DNAH7: variants seen among roughly 807,000 people sequenced by gnomAD.
DNAH7 encodes the protein dynein axonemal heavy chain 7, also known as axonemal beta dynein heavy chain 7.
DNAH7 carries 397 observed loss-of-function variants against 444.6 expected under a neutral mutation model. The ratio of observed to expected loss-of-function variants is 0.89; its 90% CI spans 0.82 to 0.97. The LOEUF is 0.97. Among genes scored for constraint, DNAH7 ranks in the 50% least tolerant of loss-of-function variants. The pLI, the probability that DNAH7 is intolerant of heterozygous loss-of-function variation, is 0.00. For missense variants in DNAH7, 4,902 were observed against 4,800.8 expected, an observed-to-expected ratio of 1.02 and a Z score of -0.62; for synonymous variants, 1,636 against 1,624.4, an observed-to-expected ratio of 1.01 and a Z score of -0.17.
intron 22 of DNAH7, among the ~76,000 whole-genome samples, chr2:195,924,153 T>C (rs1277996371): frequency 6.6e-6 from 1 of 152,202 alleles, no homozygotes; most frequent in Non-Finnish European, 1.5e-5. Context: ...ATCACAGTTC[T>C]TCCTGGGGAC....
intron 48 of DNAH7, among the ~76,000 whole-genome samples, chr2:195,826,072 T>C (rs928112131): frequency 7.0e-4 from 106 of 152,376 alleles, no homozygotes; most frequent in African/African-American, 2.4e-3. Context: ...TTAGATTGCT[T>C]CTACTTTTAT....
At chr2:195,873,504 T>C (rs62201526) in intron 39 of DNAH7, 64 bp downstream of exon 39, 503 of 1,019,292 alleles carry the variant, frequency 4.9e-4, no homozygotes, top group Non-Finnish European at 6.1e-4. Flanking sequence ...CTACTTAATA[T>C]TGATATGTTT....
chr2:195,749,378 TTGG>T (rs1693638313), intron 63 of DNAH7, among the ~76,000 whole-genome samples: 2 of 151,216 alleles, frequency 1.3e-5, no homozygotes, highest in African/African-American at 2.4e-5. Flanking sequence ...TTTTACACTG[TTGG>T]TGGGACTGTA....
chr2:195,845,570 A>G (rs1291673586), intron 46 of DNAH7, among the ~76,000 whole-genome samples: 1 of 152,248 alleles, frequency 6.6e-6, no homozygotes, highest in Admixed American at 6.5e-5. Context: ...TATCCTTAGC[A>G]AAAAGAACAA....
chr2:195,835,904 T>C (rs1482282892), intron 47 of DNAH7, among the ~76,000 whole-genome samples: 1 of 152,182 alleles, frequency 6.6e-6, no homozygotes, highest in Non-Finnish European at 1.5e-5. Context: ...AATAGTTTTC[T>C]TATCCTCCAA....
intron 35 of DNAH7, among the ~76,000 whole-genome samples, chr2:195,883,634 A>C (rs573432603): frequency 6.6e-6 from 1 of 152,306 alleles, no homozygotes; most frequent in African/African-American, 2.4e-5. Flanking sequence ...TAATTGCAGA[A>C]AGCTTAATAA....
chr2:195,921,352 T>TAC (rs140152411), intron 24 of DNAH7, among the ~76,000 whole-genome samples: 52,707 of 140,080 alleles, frequency 0.38, 10,713 homozygotes, highest in Non-Finnish European at 0.46. Context: ...AAATGTGGTG[T>TAC]ACACACACAC....
At chr2:196,003,066 TG>T (rs1439755949) in intron 10 of DNAH7, among the ~76,000 whole-genome samples, 1 of 148,640 alleles carries the variant, frequency 6.7e-6, no homozygotes, top group Non-Finnish European at 1.5e-5. Context: ...AAAGGCAATG[TG>T]TCATAAAAGA....
At chr2:196,036,699 C>T (rs1005984153) in intron 5 of DNAH7, among the ~76,000 whole-genome samples, 2 of 152,208 alleles carry the variant, frequency 1.3e-5, no homozygotes, top group Admixed American at 6.5e-5. Context: ...TCCAGCTGGC[C>T]TGTGGCCGAC....
chr2:195,835,397 AAAATT>A (rs1698311465), intron 47 of DNAH7, among the ~76,000 whole-genome samples: 3 of 151,876 alleles, frequency 2.0e-5, no homozygotes, highest in African/African-American at 7.2e-5. Context: ...AAAAAAAAAA[AAAATT>A]GAAAAGAAAA....
At chr2:195,953,011 C>A (rs1245112457) in intron 19 of DNAH7, among the ~76,000 whole-genome samples, 1 of 152,136 alleles carries the variant, frequency 6.6e-6, no homozygotes, top group African/African-American at 2.4e-5. Context: ...GGAGAAGAGG[C>A]ATTCTGGTTT....
intron 12 of DNAH7, among the ~76,000 whole-genome samples, chr2:195,989,443 T>G (rs146140211): frequency 6.6e-6 from 1 of 152,216 alleles, no homozygotes. Context: ...ATTAGAGATG[T>G]AGAACATTTT....
chr2:195,911,550 C>T (rs113589871), intron 24 of DNAH7, among the ~76,000 whole-genome samples: 182 of 152,176 alleles, frequency 1.2e-3, no homozygotes, highest in African/African-American at 4.3e-3. Context: ...AACTAATCTA[C>T]ATCTAGTAAC....
chr2:195,738,059 C>CTT lies in DNAH7; in HGVS notation c.11935_11936dup (p.Thr3980ArgfsTer19), dbSNP rs769327704. The CTT allele has an allele frequency of 1.9e-6, 3 of 1,613,882 alleles. No homozygotes were observed. Among genetic ancestry groups the CTT allele is most frequent in the Admixed American group, 1.7e-5 (1 of 59,990 alleles). ...ATAATACTCCTCTCCGCTCACTTGTCTTATACAATGGAGCAACATAACTTG... is the reference window on the plus strand; with the variant it reads ...ATAATACTCCTCTCCGCTCACTTGTCTTTTATACAATGGAGCAACATAACTTG... On this transcript the variant is annotated frameshift_variant, in exon 65 of 65. Transcript: ENST00000312428. LOFTEE classifies it high-confidence loss of function.
chr2:195,894,889 C>T (rs1297347823), intron 30 of DNAH7, 87 bp downstream of exon 30: 3 of 1,225,368 alleles, frequency 2.4e-6, no homozygotes, highest in African/African-American at 3.1e-5. Flanking sequence ...TAAGTTGCCA[C>T]ATTGAATGCA....
chr2:195,873,844 A>G (rs550370001), intron 38 of DNAH7, 150 bp from the exon 39 acceptor site: 12 of 496,650 alleles, frequency 2.4e-5, no homozygotes, highest in Admixed American at 4.4e-5. Flanking sequence ...TAACCCTGAC[A>G]TCAAAACTAT....
At chr2:195,851,964 AAAC>A (rs1699393845) in intron 46 of DNAH7, among the ~76,000 whole-genome samples, 2 of 152,166 alleles carry the variant, frequency 1.3e-5, no homozygotes, top group Admixed American at 6.5e-5. Context: ...ATTTAGTTAA[AAAC>A]AACACCACTG....
rs753518251 is a variant in DNAH7 at position 195,936,624 on chromosome 2, G to C, written c.3247C>G (p.Leu1083Val). 1.3e-6 allele frequency: 2 copies of C among 1,599,236 alleles called. No homozygotes were observed. Among genetic ancestry groups the C allele is most frequent in the African/African-American group, 1.4e-5 (1 of 74,020 alleles). The change falls in exon 20 of 65, where the codon CTA becomes GTA. Residue 1083 changes from leucine (L) to valine (V), a missense_variant. Transcript: ENST00000312428. ...CTAGTGGGATCTTTAGTCTCAGATA[G>C]TATCTCAAGAAGTTCATCATTGGAC... ...FLSNDELLEI[L>V]SETKDPTRVQ...
In DNAH7 at chr2:195,857,606, C is replaced by G; in HGVS notation, c.8185G>C (p.Gly2729Arg). ...ADKIPDPTGS[G>R]KKIEDFWGPA... ...CCCCAGAAATCCTCAATTTTTTTCC[C>G]TGAACCTGTTGGGTCAGGGATTTTG... is the stretch of plus-strand genomic sequence containing the variant. The change falls in exon 44 of 65, where the codon GGG becomes CGG. Residue 2729 changes from glycine to arginine, a missense_variant. Transcript: ENST00000312428. 1 of 1,613,944 alleles carries G rather than the reference C, an allele frequency of 6.2e-7. No homozygotes were observed. The highest frequency in any genetic ancestry group is 8.5e-7 in the Non-Finnish European group (1 of 1,179,926).
Sources: gnomAD v4.1 joint callset for allele counts (sites outside exome capture counted in the v4.1 genomes callset) on GRCh38, gnomAD v4.1.1 for gene constraint, MANE v1.5 for transcripts, NCBI Gene and HGNC (gene_info 2026-07-23, HGNC 2026-07-21) for gene names.